CNTN5: variants seen among roughly 807,000 people sequenced by gnomAD.
CNTN5 encodes contactin-5.
CNTN5 carries 77 observed loss-of-function variants against 129.1 expected under a neutral mutation model. The ratio of observed to expected loss-of-function variants is 0.60; its 90% CI spans 0.50 to 0.72. CNTN5 has a LOEUF of 0.72. Among genes scored for constraint, CNTN5 ranks in the 30% least tolerant of loss-of-function variants. CNTN5 has a pLI of 0.00. For missense variants in CNTN5, 1,478 were observed against 1,328.8 expected (o/e 1.11, Z -1.75); for synonymous variants, 509 against 465.6 (o/e 1.09, Z -1.20).
chr11:100,132,610 A>G (rs1946408657), intron 13 of CNTN5, among the ~76,000 whole-genome samples: 1 of 152,132 alleles, frequency 6.6e-6, no homozygotes, highest in Non-Finnish European at 1.5e-5. Context: ...CTTGCTAGTG[A>G]GGGCACTACA....
chr11:99,503,645 G>A (rs147871845), intron 2 of CNTN5, among the ~76,000 whole-genome samples: 4 of 151,966 alleles, frequency 2.6e-5, no homozygotes, highest in Non-Finnish European at 4.4e-5. Flanking sequence ...CAAAAACCTG[G>A]GTCTTTTATT....
chr11:99,054,855 T>C (rs1384542294), intron 1 of CNTN5, among the ~76,000 whole-genome samples: 1 of 151,944 alleles, frequency 6.6e-6, no homozygotes, highest in Non-Finnish European at 1.5e-5. Context: ...CAATTCATAT[T>C]AGGATTTAAG....
chr11:99,765,567 C>T (rs1944725053), intron 3 of CNTN5, among the ~76,000 whole-genome samples: 1 of 151,164 alleles, frequency 6.6e-6, no homozygotes, highest in African/African-American at 2.4e-5. Flanking sequence ...TTATATATTT[C>T]TTTGTAGTAA....
intron 21 of CNTN5, among the ~76,000 whole-genome samples, chr11:100,339,063 G>A (rs1194287550): frequency 6.6e-6 from 1 of 151,746 alleles, no homozygotes; most frequent in South Asian, 2.1e-4. Flanking sequence ...CAGTGCCCAG[G>A]TCAGGGTGCC....
At chr11:99,917,862 A>G (rs927822830) in intron 7 of CNTN5, among the ~76,000 whole-genome samples, 1 of 152,150 alleles carries the variant, frequency 6.6e-6, no homozygotes, top group Admixed American at 6.6e-5. Flanking sequence ...CTAATAACTG[A>G]TTAAGTAATA....
In CNTN5 at chr11:100,248,300, A is replaced by G. The variant is rs528391732; in HGVS notation, c.2006-7460A>G. Among the ~76,000 whole-genome samples the G allele has an allele frequency of 2.8e-4, 43 of 152,252 alleles. 1 individual carries two copies. The South Asian group carries it at 8.7e-3, about 31-fold the overall frequency. The stretch of plus-strand genomic sequence containing the variant: ...GGTGGCTCGTGCCTGTAATCCCAGC[A>G]CTTTGAGAGGCCAAGTTTGGGACTG... On this transcript the variant is annotated intron_variant, in intron 16 of 24. Transcript: ENST00000524871.
At chr11:99,124,030 C>A (rs1004281706) in intron 1 of CNTN5, among the ~76,000 whole-genome samples, 1 of 151,856 alleles carries the variant, frequency 6.6e-6, no homozygotes, top group Non-Finnish European at 1.5e-5. Context: ...TTTTTGGATC[C>A]ATATGAATTG....
intron 1 of CNTN5, among the ~76,000 whole-genome samples, chr11:99,237,693 A>G (rs907732876): frequency 6.6e-6 from 1 of 152,202 alleles, no homozygotes; most frequent in African/African-American, 2.4e-5. Flanking sequence ...AAGAAAAAAA[A>G]AAGGCATTTA....
At chr11:100,119,702 C>T (rs556709922) in intron 13 of CNTN5, among the ~76,000 whole-genome samples, 8 of 151,808 alleles carry the variant, frequency 5.3e-5, no homozygotes, top group African/African-American at 9.6e-5. Context: ...AAAAGAAAAA[C>T]GGAAAGCTAG....
At chr11:99,690,119 AG>A (rs1953977608) in intron 3 of CNTN5, among the ~76,000 whole-genome samples, 1 of 152,144 alleles carries the variant, frequency 6.6e-6, no homozygotes, top group South Asian at 2.1e-4. Context: ...GGTGTAAGGA[AG>A]GGGTCCAATT....
chr11:99,701,115 C>T (rs951122494), intron 3 of CNTN5, among the ~76,000 whole-genome samples: 1 of 151,202 alleles, frequency 6.6e-6, no homozygotes, highest in Non-Finnish European at 1.5e-5. Context: ...AACACAATAC[C>T]TATGTGCTGA....
chr11:99,211,238 C>T (rs543613014), intron 1 of CNTN5, among the ~76,000 whole-genome samples: 2 of 152,090 alleles, frequency 1.3e-5, no homozygotes, highest in East Asian at 1.9e-4. Flanking sequence ...TTTGTTTAGT[C>T]ACTTGTTTTG....
intron 2 of CNTN5, among the ~76,000 whole-genome samples, chr11:99,509,658 T>C (rs1254917067): frequency 1.3e-5 from 2 of 151,994 alleles, no homozygotes; most frequent in African/African-American, 4.8e-5. Flanking sequence ...GAGGTTTTGA[T>C]TTACATCTGA....
chr11:100,307,018 G>C (rs1160790087), intron 20 of CNTN5, among the ~76,000 whole-genome samples: 3 of 151,594 alleles, frequency 2.0e-5, no homozygotes. Flanking sequence ...TTGGTGCAAA[G>C]GTGGACCAAC....
intron 1 of CNTN5, among the ~76,000 whole-genome samples, chr11:99,078,207 T>A (rs1175948405): frequency 2.0e-5 from 3 of 152,196 alleles, no homozygotes; most frequent in South Asian, 4.1e-4. Context: ...ACGGATAATA[T>A]TTTTTCTTGT....
intron 13 of CNTN5, among the ~76,000 whole-genome samples, chr11:100,136,904 G>A (rs1946544387): frequency 6.6e-6 from 1 of 151,748 alleles, no homozygotes; most frequent in Non-Finnish European, 1.5e-5. Flanking sequence ...AAAGTCTATG[G>A]TAATGTGAAC....
At position 99,849,743 on chromosome 11, in the gene CNTN5, A is replaced by G. The variant is rs149563664; in HGVS notation, c.577+4481A>G. On this transcript the variant is annotated intron_variant, in intron 6 of 24. Transcript: ENST00000524871. Reference sequence around the variant, plus strand: ...GCAGACGATGCTCTGTTTCAAATACATTAACTCATTTTATCCTCATAACCA... The same window carrying G: ...GCAGACGATGCTCTGTTTCAAATACGTTAACTCATTTTATCCTCATAACCA... Among the ~76,000 whole-genome samples the G allele has an allele frequency of 4.4e-3, 673 of 152,310 alleles. 7 individuals carry two copies. Among genetic ancestry groups the G allele is most frequent in the Non-Finnish European group, 7.4e-3 (505 of 67,994 alleles).
intron 6 of CNTN5, among the ~76,000 whole-genome samples, chr11:99,885,479 C>G (rs1004308928): frequency 1.3e-5 from 2 of 151,982 alleles, no homozygotes; most frequent in African/African-American, 4.8e-5. Flanking sequence ...GAAAAATAAT[C>G]TGTCAAAAAT....
At chr11:99,170,439 C>G (rs1219498571) in intron 1 of CNTN5, among the ~76,000 whole-genome samples, 5 of 152,148 alleles carry the variant, frequency 3.3e-5, no homozygotes, top group Non-Finnish European at 7.4e-5. Flanking sequence ...GGACAAATCA[C>G]TTTATCTCTA....
Sources: allele counts gnomAD v4.1 joint callset (sites outside exome capture counted in the v4.1 genomes callset), GRCh38; gene constraint gnomAD v4.1.1; transcripts MANE v1.5; gene names NCBI Gene and HGNC (gene_info 2026-07-23, HGNC 2026-07-21).